Variants in NAALADL2 observed in about 807,000 individuals in gnomAD.
NAALADL2 encodes the protein inactive N-acetylated-alpha-linked acidic dipeptidase-like protein 2.
In NAALADL2, 76 loss-of-function variants were observed where a neutral mutation model predicts 87.2. That is an observed-to-expected ratio of 0.87 (90% CI 0.72 to 1.05). The LOEUF is 1.05. Ranked by LOEUF, NAALADL2 falls within the 50% of genes least tolerant of loss-of-function variation. The pLI is 0.00. For synonymous variants in NAALADL2, 354 were observed against 331.0 expected (o/e 1.07, Z -0.75); for missense variants, 1,089 against 945.8 (o/e 1.15, Z -1.99).
intron 3 of NAALADL2, among the ~76,000 whole-genome samples, chr3:175,255,302 A>G (rs182867084): frequency 6.6e-6 from 1 of 152,318 alleles, no homozygotes; most frequent in East Asian, 1.9e-4. Flanking sequence ...GGAGGTATTC[A>G]TATGTTCCTA....
At chr3:174,912,565 G>T (rs1302432690) in intron 1 of NAALADL2, among the ~76,000 whole-genome samples, 6 of 152,114 alleles carry the variant, frequency 3.9e-5, no homozygotes, top group Admixed American at 3.3e-4. Context: ...GCAATTTAAC[G>T]TACATGGATA....
intron 4 of NAALADL2, among the ~76,000 whole-genome samples, chr3:175,288,126 G>C (rs2110123373): frequency 6.6e-6 from 1 of 152,138 alleles, no homozygotes; most frequent in African/African-American, 2.4e-5. Context: ...CCGTCTCCCA[G>C]GCTGGAGTGT....
At chr3:175,005,287 A>T (rs1019864348) in intron 1 of NAALADL2, among the ~76,000 whole-genome samples, 1 of 152,228 alleles carries the variant, frequency 6.6e-6, no homozygotes, top group Non-Finnish European at 1.5e-5. Context: ...AAAGTGGTCA[A>T]GCCAGGAATA....
intron 2 of NAALADL2, among the ~76,000 whole-genome samples, chr3:174,618,056 A>C (rs1720642895): frequency 6.6e-6 from 1 of 151,684 alleles, no homozygotes; most frequent in Non-Finnish European, 1.5e-5. Context: ...CAGCATTAAA[A>C]CCAGAGCTGA....
intron 3 of NAALADL2, among the ~76,000 whole-genome samples, chr3:174,799,341 G>A (rs1718525829): frequency 6.6e-6 from 1 of 152,062 alleles, no homozygotes; most frequent in Non-Finnish European, 1.5e-5. Flanking sequence ...GAATTCCCAT[G>A]TGTTATGGGA....
intron 2 of NAALADL2, among the ~76,000 whole-genome samples, chr3:174,577,841 G>A (rs2108551515): frequency 6.6e-6 from 1 of 152,062 alleles, no homozygotes; most frequent in East Asian, 1.9e-4. Context: ...TATCTGACAA[G>A]AACATTAATA....
intron 1 of NAALADL2, among the ~76,000 whole-genome samples, chr3:174,948,942 T>C (rs888083124): frequency 6.6e-6 from 1 of 152,142 alleles, no homozygotes; most frequent in East Asian, 1.9e-4. Flanking sequence ...AAGATCAAGG[T>C]GCTGGTGAAT....
At chr3:175,581,125 A>G in intron 10 of NAALADL2, 1 of 395,376 alleles carries the variant, frequency 2.5e-6, no homozygotes. Flanking sequence ...ATGTTATCTT[A>G]CAGTTTCAAA....
At position 175,330,049 on chromosome 3, in the gene NAALADL2, CTACTT is replaced by C. The variant is rs144832725; in HGVS notation, c.1090+5727_1090+5731del. On this transcript the variant is annotated intron_variant, in intron 5 of 13. Coordinates refer to ENST00000454872, the MANE Select transcript of NAALADL2 (RefSeq NM_207015.3). ...GTTGTGTACTTGTATTGGAAGCACTCTACTTTAAATTAAATGTGTGCTTGATCAAT... is the reference window on the plus strand; with the variant it reads ...GTTGTGTACTTGTATTGGAAGCACTCTAAATTAAATGTGTGCTTGATCAAT... 7.4e-3 allele frequency among the ~76,000 whole-genome samples: 1,125 copies of C among 152,108 alleles called. 11 individuals are homozygous for C. The highest frequency in any genetic ancestry group is 0.026 in the African/African-American group (1,081 of 41,492).
intron 4 of NAALADL2, among the ~76,000 whole-genome samples, chr3:175,281,750 C>G (rs1371572467): frequency 6.6e-6 from 1 of 151,918 alleles, no homozygotes; most frequent in African/African-American, 2.4e-5. Flanking sequence ...ATTGTTTATA[C>G]AAGTATCTTA....
chr3:175,702,180 A>C (rs1739080867), intron 11 of NAALADL2, among the ~76,000 whole-genome samples: 1 of 152,156 alleles, frequency 6.6e-6, no homozygotes, highest in African/African-American at 2.4e-5. Flanking sequence ...TTAATCTGTA[A>C]TTCTGTTCTA....
chr3:174,753,668 G>T (rs1711569564), intron 3 of NAALADL2, among the ~76,000 whole-genome samples: 1 of 152,174 alleles, frequency 6.6e-6, no homozygotes, highest in African/African-American at 2.4e-5. Flanking sequence ...GTATGTGTGA[G>T]AGAAAGCTTA....
chr3:175,196,052 A>T (rs563806778), intron 2 of NAALADL2, among the ~76,000 whole-genome samples: 325 of 152,036 alleles, frequency 2.1e-3, no homozygotes, highest in African/African-American at 7.6e-3. Flanking sequence ...ATATTAAATA[A>T]ACTTTAAAAG....
Position 175,206,264 on chromosome 3 carries a change from T to TATATATATATATATATATATA in NAALADL2, c.546-27667_546-27666insATATATATATATATATATATA, listed in dbSNP as rs750185480. On this transcript the variant is annotated intron_variant, in intron 2 of 13. Transcript: ENST00000454872. The stretch of plus-strand genomic sequence containing the variant: ...AAAAACTATATATATATATATATAT[T>TATATATATATATATATATATA]TTTTTTTTTCACTGTGTGTGTGTAT... Among the ~76,000 whole-genome samples the TATATATATATATATATATATA allele has an allele frequency of 4.1e-3, 281 of 69,362 alleles. 8 individuals carry two copies. The highest frequency in any genetic ancestry group is 7.5e-3 in the African/African-American group (125 of 16,746). 45.5% of individuals were successfully genotyped at this position (69,362 alleles called of 152,430 possible). A position where few individuals can be genotyped will look rare whatever the true frequency, so the allele number is the denominator to read the frequency against.
intron 11 of NAALADL2, among the ~76,000 whole-genome samples, chr3:175,657,104 G>T (rs1350459567): frequency 6.6e-6 from 1 of 152,122 alleles, no homozygotes; most frequent in Non-Finnish European, 1.5e-5. Flanking sequence ...ATTTAAAGGT[G>T]ACTTCAGTCA....
At chr3:175,637,765 A>T (rs541519076) in intron 11 of NAALADL2, among the ~76,000 whole-genome samples, 37 of 152,336 alleles carry the variant, frequency 2.4e-4, no homozygotes, top group African/African-American at 7.7e-4. Context: ...TATTTTCTTT[A>T]TAAATTACCC....
intron 5 of NAALADL2, among the ~76,000 whole-genome samples, chr3:175,417,825 C>T (rs989260619): frequency 5.9e-5 from 9 of 152,054 alleles, no homozygotes; most frequent in African/African-American, 1.2e-4. Flanking sequence ...AACACTGTGA[C>T]GTGACAAAAA....
chr3:175,293,036 CAAAAAAAAAAAA>C (rs568981496), intron 4 of NAALADL2, among the ~76,000 whole-genome samples: 2 of 49,414 alleles, frequency 4.0e-5, no homozygotes, highest in African/African-American at 1.3e-4. Flanking sequence ...GACTCCGTCT[CAAAAAAAAAAAA>C]AAAAAAAAAA....
chr3:175,470,405 A>C (rs1013994556), intron 8 of NAALADL2, among the ~76,000 whole-genome samples: 4 of 152,160 alleles, frequency 2.6e-5, no homozygotes, highest in Admixed American at 2.6e-4. Context: ...TATGTTAACC[A>C]GCTTAATTTA....
Sources: gnomAD v4.1 joint callset for allele counts (sites outside exome capture counted in the v4.1 genomes callset) on GRCh38, gnomAD v4.1.1 for gene constraint, MANE v1.5 for transcripts, NCBI Gene and HGNC (gene_info 2026-07-23, HGNC 2026-07-21) for gene names.